The following RGL1 variants were observed in gnomAD, a reference collection of about 807,000 sequenced individuals.
RGL1 encodes ral guanine nucleotide dissociation stimulator like 1.
A neutral mutation model predicts 95.2 loss-of-function variants in RGL1; 24 were observed. The observed-to-expected ratio is 0.25, with a 90% CI of 0.18 to 0.35. The LOEUF (loss-of-function observed/expected upper bound fraction) is 0.35, where lower values mean the gene tolerates loss of function less well. Among genes scored for constraint, RGL1 ranks in the 10% least tolerant of loss-of-function variants. The pLI, the probability that RGL1 is intolerant of heterozygous loss-of-function variation, is 1.00. For missense variants in RGL1, 715 were observed against 936.3 expected (o/e 0.76, Z 3.08); for synonymous variants, 329 against 344.9 (o/e 0.95, Z 0.51).
At chr1:183,830,357 C>T (rs1663176845) in intron 2 of RGL1, among the ~76,000 whole-genome samples, 1 of 152,176 alleles carries the variant, frequency 6.6e-6, no homozygotes, top group Non-Finnish European at 1.5e-5. Context: ...ACTTATTTTG[C>T]ATGACATCTT....
Position 183,928,388 on chromosome 1 carries a change from A to T in RGL1, c.*2096A>T, listed in dbSNP as rs1669738400. 6.5e-6 allele frequency: 1 copy of T among 152,704 alleles called. No homozygotes were observed. The highest frequency in any genetic ancestry group is 1.9e-4 in the East Asian group (1 of 5,188). 9.5% of individuals were successfully genotyped at this position (152,704 alleles called of 1,614,324 possible). On this transcript the variant is annotated 3_prime_UTR_variant, in exon 18 of 18. Transcript: ENST00000360851. ...ATTTAATGCCACTTTAAATGTCTTA[A>T]ATTTGTTTCCTGGTGGACAGCCGGG...
At chr1:183,684,660 T>G (rs547291640) in intron 1 of RGL1, among the ~76,000 whole-genome samples, 36 of 152,310 alleles carry the variant, frequency 2.4e-4, no homozygotes, top group African/African-American at 8.4e-4. Context: ...GCAGCTAGCT[T>G]GGTGTCTGCT....
At chr1:183,791,970 G>A (rs1660460742) in intron 2 of RGL1, among the ~76,000 whole-genome samples, 1 of 152,102 alleles carries the variant, frequency 6.6e-6, no homozygotes, top group Non-Finnish European at 1.5e-5. Context: ...GTATATGTAT[G>A]TACTAACTTA....
At chr1:183,866,743 G>C (rs925923829) in intron 4 of RGL1, among the ~76,000 whole-genome samples, 1 of 152,210 alleles carries the variant, frequency 6.6e-6, no homozygotes, top group African/African-American at 2.4e-5. Flanking sequence ...GCTGTGGCCT[G>C]ACACATCTTA....
intron 12 of RGL1, among the ~76,000 whole-genome samples, chr1:183,903,636 T>C (rs1668154436): frequency 6.6e-6 from 1 of 151,846 alleles, no homozygotes; most frequent in Non-Finnish European, 1.5e-5. Context: ...AGGAGAGAGG[T>C]AGACAAATAA....
At chr1:183,842,253 C>G (rs1419805333) in intron 2 of RGL1, among the ~76,000 whole-genome samples, 1 of 151,890 alleles carries the variant, frequency 6.6e-6, no homozygotes, top group Non-Finnish European at 1.5e-5. Flanking sequence ...CATACTGTCT[C>G]CATCCTAATG....
Position 183,880,768 on chromosome 1 carries a change from A to G in RGL1, c.578A>G (p.Glu193Gly). ...GAAAGAAGAGCACAAAATCTTCTTG[A>G]GCAGTTTCAGAAGCAAGAAGTGGAA... ...DPERRAQNLL[E>G]QFQKQEVETD... The change falls in exon 5 of 18, where the codon GAG becomes GGG. Residue 193 changes from glutamate (E) to glycine (G), a missense_variant. Glu to Gly is a moderately conservative substitution (Grantham distance 98, BLOSUM62 -2). Coordinates refer to ENST00000360851, the MANE Select transcript of RGL1 (RefSeq NM_001297671.3). 1.9e-6 allele frequency: 3 copies of G among 1,613,918 alleles called. No homozygotes were observed. The highest frequency in any genetic ancestry group is 2.5e-6 in the Non-Finnish European group (3 of 1,179,834).
intron 2 of RGL1, among the ~76,000 whole-genome samples, chr1:183,792,568 T>G (rs893826916): frequency 1.3e-5 from 2 of 151,938 alleles, no homozygotes; most frequent in African/African-American, 2.4e-5. Flanking sequence ...TATATATACA[T>G]AAACCAAAAA....
At chr1:183,806,800 A>C (rs893537394) in intron 2 of RGL1, among the ~76,000 whole-genome samples, 8 of 151,990 alleles carry the variant, frequency 5.3e-5, no homozygotes, top group Non-Finnish European at 8.8e-5. Context: ...GCACTCTCTT[A>C]GACAAGAGCC....
chr1:183,826,028 TCAATC>T (rs1363539512), intron 2 of RGL1, among the ~76,000 whole-genome samples: 1 of 98,808 alleles, frequency 1.0e-5, no homozygotes, highest in Non-Finnish European at 2.5e-5. Context: ...AATCAATCAA[TCAATC>T]GCAACTCTCC....
intron 1 of RGL1, among the ~76,000 whole-genome samples, chr1:183,645,591 C>T (rs1454145442): frequency 6.6e-6 from 1 of 152,238 alleles, no homozygotes; most frequent in Admixed American, 6.5e-5. Context: ...CCCAATTTCT[C>T]TCTCTCAATC....
At chr1:183,845,276 C>A (rs1664343460) in intron 2 of RGL1, among the ~76,000 whole-genome samples, 4 of 152,222 alleles carry the variant, frequency 2.6e-5, no homozygotes, top group Admixed American at 2.0e-4. Context: ...CTCTTTAGAG[C>A]AGTTTCCTTA....
chr1:183,831,068 G>T (rs547021522), intron 2 of RGL1, among the ~76,000 whole-genome samples: 3 of 152,260 alleles, frequency 2.0e-5, no homozygotes, highest in African/African-American at 7.2e-5. Flanking sequence ...AACCCATGGA[G>T]TTTACAGGCA....
At chr1:183,907,518 G>T (rs544154027) in intron 14 of RGL1, among the ~76,000 whole-genome samples, 3 of 152,306 alleles carry the variant, frequency 2.0e-5, no homozygotes, top group African/African-American at 7.2e-5. Context: ...TTAACCTGCA[G>T]ACTTCCCTCT....
chr1:183,681,416 G>C (rs932245854), intron 1 of RGL1, among the ~76,000 whole-genome samples: 2 of 152,254 alleles, frequency 1.3e-5, no homozygotes, highest in East Asian at 3.9e-4. Context: ...GGCCTTTTCT[G>C]CATCTATTGA....
chr1:183,795,311 G>A (rs1371885475), intron 2 of RGL1, among the ~76,000 whole-genome samples: 1 of 152,244 alleles, frequency 6.6e-6, no homozygotes, highest in African/African-American at 2.4e-5. Context: ...AGAGTTAACA[G>A]TCTAATGGGA....
intron 1 of RGL1, among the ~76,000 whole-genome samples, chr1:183,713,834 G>T (rs528807684): frequency 1.1e-4 from 16 of 152,134 alleles, no homozygotes; most frequent in Non-Finnish European, 2.1e-4. Flanking sequence ...TGAATCTAGA[G>T]ATATTTTGCA....
intron 2 of RGL1, among the ~76,000 whole-genome samples, chr1:183,808,921 T>C (rs562604160): frequency 2.3e-4 from 35 of 152,336 alleles, no homozygotes; most frequent in Middle Eastern, 6.8e-3. Context: ...TCCATAGTAG[T>C]AGAAAAGAAC....
At chr1:183,722,979 G>A (rs1656097781) in intron 1 of RGL1, among the ~76,000 whole-genome samples, 1 of 152,048 alleles carries the variant, frequency 6.6e-6, no homozygotes. Context: ...ACAAACAGCA[G>A]CAACAATATA....
Sources: gnomAD v4.1 joint callset for allele counts (sites outside exome capture counted in the v4.1 genomes callset) on GRCh38, gnomAD v4.1.1 for gene constraint, MANE v1.5 for transcripts, NCBI Gene and HGNC (gene_info 2026-07-23, HGNC 2026-07-21) for gene names.